The following SLC16A5 variants were observed in gnomAD, a reference collection of about 807,000 sequenced individuals.
SLC16A5 encodes monocarboxylate transporter 6.
Under a neutral mutation model 33.2 loss-of-function variants are expected in SLC16A5, and 29 were observed. That is an observed-to-expected ratio of 0.87 (90% CI 0.65 to 1.19). SLC16A5 has a LOEUF of 1.19. SLC16A5 is among the 50% of genes most tolerant of loss of function. The pLI is 0.00. For missense variants in SLC16A5, 606 were observed against 678.2 expected (o/e 0.89, Z 1.18); for synonymous variants, 248 against 284.1 (o/e 0.87, Z 1.28).
At chr17:75,103,474 T>C (rs7502641) in intron 5 of SLC16A5, among the ~76,000 whole-genome samples, 117,136 of 151,620 alleles carry the variant, frequency 0.77, 45,915 homozygotes, top group African/African-American at 0.85. Context: ...GGATTACAGG[T>C]ACCTGCCCCC....
At chr17:75,101,847 C>G (rs2073804170) in intron 5 of SLC16A5, among the ~76,000 whole-genome samples, 1 of 151,870 alleles carries the variant, frequency 6.6e-6, no homozygotes, top group African/African-American at 2.4e-5. Flanking sequence ...GTTGCTCAGG[C>G]TGCTCTCAAA....
At chr17:75,092,916 G>T (rs1262646173) in intron 2 of SLC16A5, among the ~76,000 whole-genome samples, 1 of 151,826 alleles carries the variant, frequency 6.6e-6, no homozygotes, top group African/African-American at 2.4e-5. Flanking sequence ...CTGTTTGAAA[G>T]GAGTGTTGCA....
chr17:75,105,579 C>G, intron 6 of SLC16A5: 11 of 985,372 alleles, frequency 1.1e-5, no homozygotes, highest in Non-Finnish European at 1.3e-5. Flanking sequence ...CTTGCTGGTG[C>G]CTTTCCCTGA....
Position 75,100,103 on chromosome 17 carries a change from G to A in SLC16A5, c.440G>A (p.Gly147Asp). ...CTGGCCAACGCGCTGGCCTCGATGG[G>A]CGTCTCCCTGGGCATCACCCTCTGG... ...RVLANALASM[G>D]VSLGITLWPL... is the part of the protein sequence containing the mutation. The change falls in exon 5 of 7, where the codon GGC (glycine) becomes GAC (aspartate). Residue 147 changes from glycine (G) to aspartate (D), a missense_variant. By Grantham distance (94) the Gly-to-Asp change is moderately conservative. Transcript: ENST00000329783. 1 of 1,614,096 alleles carries A rather than the reference G, an allele frequency of 6.2e-7. No homozygotes were observed.
chr17:75,093,929 A>G, intron 3 of SLC16A5, 94 bp downstream of exon 3: 1 of 1,507,300 alleles, frequency 6.6e-7, no homozygotes, highest in Non-Finnish European at 8.9e-7. Context: ...CTCTGAGGCC[A>G]CAGGCTTTGC....
chr17:75,105,824 G>A, intron 6 of SLC16A5, 56 bp from the exon 7 acceptor site: 2 of 1,493,640 alleles, frequency 1.3e-6, no homozygotes, highest in South Asian at 2.7e-5. Flanking sequence ...TGTTGATTCA[G>A]GCTCAACCAG....
intron 5 of SLC16A5, among the ~76,000 whole-genome samples, chr17:75,101,693 G>C (rs1421672408): frequency 6.6e-6 from 1 of 151,818 alleles, no homozygotes; most frequent in African/African-American, 2.4e-5. Context: ...GGAGTGCAGT[G>C]GTGCAATCAC....
At chr17:75,088,833 G>T (rs942319634) in intron 1 of SLC16A5, 1 of 152,214 alleles carries the variant, frequency 6.6e-6, no homozygotes, top group Non-Finnish European at 1.5e-5. Flanking sequence ...AGCTCCAGGG[G>T]CAGGGAAAGG....
intron 4 of SLC16A5, among the ~76,000 whole-genome samples, chr17:75,099,300 C>T (rs143825863): frequency 1.4e-4 from 22 of 152,262 alleles, no homozygotes; most frequent in Admixed American, 5.2e-4. Flanking sequence ...ATCTGAGAGG[C>T]GGGCTGGAGC....
intron 3 of SLC16A5, among the ~76,000 whole-genome samples, chr17:75,094,332 A>G (rs2073686598): frequency 1.3e-5 from 2 of 152,162 alleles, no homozygotes; most frequent in African/African-American, 4.8e-5. Flanking sequence ...AATTATTAAT[A>G]TTTTGGAGAC....
chr17:75,108,542 A>C (rs555212315), downstream of SLC16A5, among the ~76,000 whole-genome samples: 6 of 152,294 alleles, frequency 3.9e-5, no homozygotes, highest in African/African-American at 1.4e-4. Flanking sequence ...ATCCGGGCCC[A>C]GGGCTTAAGA....
At chr17:75,105,557 C>T in intron 6 of SLC16A5, 1 of 985,358 alleles carries the variant, frequency 1.0e-6, no homozygotes, top group Non-Finnish European at 1.2e-6. Context: ...TCCAAGCTCC[C>T]CACACACACA....
chr17:75,109,491 T>G (rs2073889683), downstream of SLC16A5, among the ~76,000 whole-genome samples: 1 of 152,310 alleles, frequency 6.6e-6, no homozygotes, highest in Admixed American at 6.5e-5. The surrounding 1 kb of genome is among the most constrained non-coding windows in gnomAD (Gnocchi z 5.0). Flanking sequence ...CTGGAGGTGC[T>G]TCTGCCTCGA....
rs781773796 is a variant in SLC16A5 at position 75,093,392 on chromosome 17, C to G, written c.-48-197C>G. The G allele has an allele frequency of 5.9e-6, 9 of 1,535,292 alleles. 1 individual carries two copies. In the South Asian group the frequency reaches 9.5e-5, roughly 16 times the overall value. ...TTCCTGCCACCTCCTGCCAGGCTGG[C>G]TCTGGGAAGTGGGTGAAAGGAGATG... is the stretch of plus-strand genomic sequence containing the variant. On this transcript the variant is annotated intron_variant, in intron 2 of 6. Transcript: ENST00000329783.
chr17:75,106,698 C>G (rs1311121251), downstream of SLC16A5, among the ~76,000 whole-genome samples: 2 of 151,690 alleles, frequency 1.3e-5, no homozygotes, highest in African/African-American at 4.8e-5. Context: ...AGTTCAAGAC[C>G]AGCCTGGCCA....
chr17:75,101,334 G>T (rs1437357965), intron 5 of SLC16A5, among the ~76,000 whole-genome samples: 1 of 151,458 alleles, frequency 6.6e-6, no homozygotes, highest in Non-Finnish European at 1.5e-5. Flanking sequence ...GCTGAGGCGG[G>T]TGGATCACGA....
chr17:75,106,580 CTGTCTT>C (rs1385346036), downstream of SLC16A5, among the ~76,000 whole-genome samples: 15 of 140,854 alleles, frequency 1.1e-4, no homozygotes, highest in Non-Finnish European at 1.7e-4. Context: ...CAGCAAGACC[CTGTCTT>C]TTTTTTAAAA....
chr17:75,100,285 C>G lies in SLC16A5; in HGVS notation c.622C>G (p.Pro208Ala). ...GACCAAAGAATGTCCCCCGCCACCTCCCGAGACACCTGCACTTGGCTGCCT... is the reference window on the plus strand; with the variant it reads ...GACCAAAGAATGTCCCCCGCCACCTGCCGAGACACCTGCACTTGGCTGCCT... ...PETKECPPPPPETPALGCLAA... is the reference protein window; with the variant it reads ...PETKECPPPPAETPALGCLAA... Residue 208 changes from proline (P) to alanine (A), a missense_variant, in exon 5 of 7, where the codon CCC becomes GCC. By Grantham distance (27) the Pro-to-Ala change is conservative (BLOSUM62 -1). Coordinates refer to ENST00000329783, the MANE Select transcript of SLC16A5 (RefSeq NM_004695.4). 1.9e-6 allele frequency: 3 copies of G among 1,614,218 alleles called. No individual in the cohort carries two copies. Among genetic ancestry groups the G allele is most frequent in the Non-Finnish European group, 2.5e-6 (3 of 1,180,036 alleles).
rs1476246432 is a variant in SLC16A5, at chr17:75,100,680, C to T, written c.1017C>T (p.Ser339=). 4 of 1,614,222 alleles carry T rather than the reference C, an allele frequency of 2.5e-6. No homozygotes were observed. Among genetic ancestry groups the T allele is most frequent in the Admixed American group, 3.3e-5 (2 of 60,018 alleles). The change falls in exon 5 of 7, where the codon AGC becomes AGT. Residue 339 remains serine (S), a synonymous_variant. Transcript: ENST00000329783. ...TCGTGGGCTACTGCCTGGCGTACAG[C>T]GTGTCCATGAGTGGCATCGGCGCCC... is the stretch of plus-strand genomic sequence containing the variant. ...WVLVGYCLAY[S]VSMSGIGALI... is the part of the protein sequence containing the mutation.
Sources: gnomAD v4.1 joint callset for allele counts (sites outside exome capture counted in the v4.1 genomes callset) on GRCh38, gnomAD v4.1.1 for gene constraint, Gnocchi (gnomAD v3.1) non-coding constraint, MANE v1.5 for transcripts, NCBI Gene and HGNC (gene_info 2026-07-23, HGNC 2026-07-21) for gene names.